The following GREP1 variants were observed in gnomAD, a reference collection of about 807,000 sequenced individuals.
GREP1 encodes the protein glycine-rich extracellular protein 1.
exon 21 of GREP1, chr16:2,996,964 C>G (rs2072427917): frequency 2.5e-6 from 1 of 399,132 alleles, no homozygotes; most frequent in Non-Finnish European, 4.4e-6. Flanking sequence ...CTCCAAACGG[C>G]TATGGACCAG....
At chr16:2,995,647 T>C (rs2072420761) in exon 16 of GREP1, 5 of 398,492 alleles carry the variant, frequency 1.3e-5, no homozygotes, top group Non-Finnish European at 2.2e-5. Context: ...GATTTGGATT[T>C]GGAGCAGGTA....
At chr16:2,993,525 GT>G (rs1365185655) in intron 10 of GREP1, 4 of 152,030 alleles carry the variant, frequency 2.6e-5, no homozygotes, top group Non-Finnish European at 5.9e-5. Context: ...AACCTAGCCA[GT>G]TGTGGTGGCA....
intron 18 of GREP1, 86 bp from the exon 18 acceptor site, chr16:2,996,410 G>A (rs1295511336): frequency 2.5e-6 from 1 of 398,366 alleles, no homozygotes; most frequent in Non-Finnish European, 4.4e-6. Context: ...CAGGGCCCTG[G>A]GCCCCCGCCC....
chr16:2,992,713 C>T lies in GREP1; in HGVS notation c.323-92C>T. ...AGACAGAAAGGCAGAGGGCAGGGGT[C>T]ACGCGAGACAGAAAGGGAGAGGGCA... On this transcript the variant is annotated intron_variant, in intron 8 of 34. Transcript: ENST00000573315. This position sits in a 1 kb window ranked among gnomAD's most constrained non-coding sequence, Gnocchi z 4.9. 2.5e-6 allele frequency: 1 copy of T among 397,974 alleles called. No homozygotes were observed. Among genetic ancestry groups the T allele is most frequent in the Non-Finnish European group, 4.4e-6 (1 of 225,714 alleles). The allele number at this position is 397,974 out of a possible 1,614,324, so 24.7% of individuals were successfully genotyped here.
intron 23 of GREP1, 80 bp downstream of exon 21, chr16:2,997,915 C>T (rs888590041): frequency 2.5e-6 from 1 of 398,300 alleles, no homozygotes; most frequent in Non-Finnish European, 4.4e-6. Flanking sequence ...CAAGCTGTAC[C>T]CTGTCTCCCC....
chr16:2,991,058 C>T lies in GREP1; in HGVS notation c.279C>T (p.Asn93=), dbSNP rs545678487. 25 of 399,074 alleles carry T rather than the reference C, an allele frequency of 6.3e-5. No individual in the cohort carries two copies. Among genetic ancestry groups the T allele is most frequent in the Non-Finnish European group, 8.8e-5 (20 of 226,194 alleles). The allele number at this position is 399,074 out of a possible 1,614,324, so 24.7% of individuals were successfully genotyped here. A position where few individuals can be genotyped will look rare whatever the true frequency, so the allele number is the denominator to read the frequency against. ...GCTCTGTCTCCCCAGGATATGGAAA[C>T]GGGCTGGGAGCAGCGGCCTTCCCAG... The change falls in exon 8 of 35, where the codon AAC becomes AAT. Residue 93 remains asparagine, a synonymous_variant. Transcript: ENST00000573315. The surrounding 1 kb of genome is among the most constrained non-coding windows in gnomAD (Gnocchi z 4.9).
At chr16:2,997,362 C>T (rs2072430895) in intron 21 of GREP1, 1 of 398,490 alleles carries the variant, frequency 2.5e-6, no homozygotes, top group African/African-American at 2.1e-5. Flanking sequence ...AATCCCAAAC[C>T]CCCTGCTCAC....
At position 2,998,477 on chromosome 16, in the gene GREP1, C is replaced by T; in HGVS notation, c.983-17C>T. 1 of 399,330 alleles carries T rather than the reference C, an allele frequency of 2.5e-6. No homozygotes were observed. Among genetic ancestry groups the T allele is most frequent in the Non-Finnish European group, 4.4e-6 (1 of 226,278 alleles). 24.7% of individuals were successfully genotyped at this position (399,330 alleles called of 1,614,324 possible). ...GCCCCCAGTGTTGCCACACTCATCT[C>T]TGCTTTCCCTCTCCAGGACACGGCC... On this transcript the variant is annotated splice_polypyrimidine_tract_variant and intron_variant, in intron 24 of 34. Coordinates refer to ENST00000573315, the Ensembl canonical transcript of GREP1.
At chr16:2,997,200 G>A (rs1271129554) in intron 21 of GREP1, 115 bp downstream of exon 20, 1 of 398,806 alleles carries the variant, frequency 2.5e-6, no homozygotes, top group African/African-American at 2.1e-5. Context: ...CCGAGCCAGT[G>A]AGGGGGTGTC....
At chr16:2,997,699 G>T (rs1233262628) in intron 22 of GREP1, 104 bp from the exon 21 acceptor site, 3 of 398,444 alleles carry the variant, frequency 7.5e-6, no homozygotes. Flanking sequence ...GGACCAGGAA[G>T]GGGAGGTTGG....
At chr16:2,990,756 G>A (rs1363918505) in intron 7 of GREP1, among the ~76,000 whole-genome samples, 169 bp downstream of exon 6, 1 of 152,146 alleles carries the variant, frequency 6.6e-6, no homozygotes, top group Non-Finnish European at 1.5e-5. Flanking sequence ...GAAGTGGGCA[G>A]GAGGGGACGG....
intron 10 of GREP1, 48 bp downstream of exon 11, chr16:2,993,011 G>A: frequency 2.5e-6 from 1 of 398,894 alleles, no homozygotes; most frequent in Non-Finnish European, 4.4e-6. Context: ...CTATGCATCT[G>A]CCGCTGCTTC....
chr16:3,001,579 A>G, exon 35 of GREP1: 1 of 399,186 alleles, frequency 2.5e-6, no homozygotes, highest in Non-Finnish European at 4.4e-6. Context: ...CCTCTGGGGA[A>G]ATGCTGAGCA....
chr16:3,001,568 C>T, exon 35 of GREP1: 1 of 399,196 alleles, frequency 2.5e-6, no homozygotes. Context: ...CAGGCCGCTG[C>T]CCTCTGGGGA....
Position 3,000,833 on chromosome 16 carries a change from G to A in GREP1, c.1531+6G>A, listed in dbSNP as rs1357667787. 16 of 398,792 alleles carry A rather than the reference G, an allele frequency of 4.0e-5. 1 individual carries two copies. Among genetic ancestry groups the A allele is most frequent in the Non-Finnish European group, 2.2e-5 (5 of 226,192 alleles). The allele number at this position is 398,792 out of a possible 1,614,324, so 24.7% of individuals were successfully genotyped here. A position where few individuals can be genotyped will look rare whatever the true frequency, so the allele number is the denominator to read the frequency against. Reference sequence around the variant, plus strand: ...TGAGGCCAGGAGCCAGCCAGGTAACGGGATGCCTGGATGAGTGTGTTGGGG... The same window carrying A: ...TGAGGCCAGGAGCCAGCCAGGTAACAGGATGCCTGGATGAGTGTGTTGGGG... On this transcript the variant is annotated splice_donor_region_variant and intron_variant, in intron 33 of 34. Coordinates refer to ENST00000573315, the Ensembl canonical transcript of GREP1.
chr16:2,998,865 G>A (rs1317238705), exon 26 of GREP1: 6 of 399,036 alleles, frequency 1.5e-5, no homozygotes, highest in Non-Finnish European at 2.7e-5. Flanking sequence ...CAATGCGAGG[G>A]TCGCTCCGAT....
chr16:2,999,368 G>C, intron 27 of GREP1: 1 of 397,534 alleles, frequency 2.5e-6, no homozygotes, highest in Non-Finnish European at 4.4e-6. Flanking sequence ...TCTATCCTCT[G>C]TCTCCACCCC....
chr16:3,001,291 C>T (rs2072460949), exon 34 of GREP1: 13 of 398,968 alleles, frequency 3.3e-5, no homozygotes, highest in South Asian at 1.3e-4. Context: ...GGGGCCCCGA[C>T]GTGAAGAGAG....
chr16:2,994,533 G>A (rs2072414688), intron 10 of GREP1, 165 bp from the exon 12 acceptor site: 1 of 397,270 alleles, frequency 2.5e-6, no homozygotes, highest in Admixed American at 4.4e-5. Context: ...AAAGAGCTCA[G>A]ACCCAAGATG....
Sources: allele counts gnomAD v4.1 joint callset (sites outside exome capture counted in the v4.1 genomes callset), GRCh38; gene constraint gnomAD v4.1.1; non-coding constraint Gnocchi (gnomAD v3.1); transcripts MANE v1.5; gene names NCBI Gene and HGNC (gene_info 2026-07-23, HGNC 2026-07-21).